The following DOCK6 variants were observed in gnomAD, a reference collection of about 807,000 sequenced individuals.
The protein encoded by DOCK6 is dedicator of cytokinesis 6.
A neutral mutation model predicts 230.3 loss-of-function variants in DOCK6; 167 were observed. The ratio of observed to expected loss-of-function variants is 0.73; its 90% confidence interval spans 0.64 to 0.82. DOCK6 has a LOEUF of 0.82. DOCK6 is among the 40% of genes least tolerant of loss of function. DOCK6 has a pLI of 0.00. For synonymous variants in DOCK6, 1,148 were observed against 1,185.0 expected, an observed-to-expected ratio of 0.97 and a Z score of 0.64; for missense variants, 2,598 against 2,825.8, an observed-to-expected ratio of 0.92 and a Z score of 1.83.
chr19:11,199,629 G>C (rs373430700), intron 47 of DOCK6, 90 bp from the exon 48 acceptor site: 167 of 1,358,294 alleles, frequency 1.2e-4, no homozygotes, highest in Non-Finnish European at 1.6e-4. Flanking sequence ...CCTCCTCCTC[G>C]TCTTCCTCCA....
At position 11,204,193 on chromosome 19, in the gene DOCK6, G is replaced by A; in HGVS notation, c.5220+7C>T. On this transcript the variant is annotated splice_region_variant and intron_variant, in intron 40 of 47. Transcript: ENST00000294618. ...GGTGGGGTCTGGGGAGGGGGTCCTG[G>A]GCCCACCTGGTGCATGATCTTGGTG... The A allele has an allele frequency of 6.4e-7, 1 of 1,551,062 alleles. No homozygotes were observed. The highest frequency in any genetic ancestry group is 8.7e-7 in the Non-Finnish European group (1 of 1,146,214).
In DOCK6 at chr19:11,245,573, A is replaced by G; in HGVS notation, c.1013T>C (p.Leu338Pro). 6.4e-7 allele frequency: 1 copy of G among 1,558,302 alleles called. No individual in the cohort carries two copies. Among genetic ancestry groups the G allele is most frequent in the Non-Finnish European group, 8.7e-7 (1 of 1,150,902 alleles). ...SVTYPSPDIF[L>P]VIKLEKVLQQ... ...AGCCCCAGCAGGCACCTTGATGACC[A>G]GGAAGATGTCAGGTGAGGGGTAGGT... Residue 338 changes from leucine (L) to proline (P), a missense_variant, in exon 9 of 48, where the codon CTG (leucine) becomes CCG (proline). Coordinates refer to ENST00000294618, the MANE Select transcript of DOCK6 (RefSeq NM_020812.4).
chr19:11,238,342 G>A (rs781715955), intron 14 of DOCK6, 38 bp from the exon 15 acceptor site: 24 of 1,548,546 alleles, frequency 1.5e-5, no homozygotes, highest in Non-Finnish European at 3.5e-6. Context: ...AGGGACAGGG[G>A]CCCTGAAGGT....
rs6511729 is a variant in DOCK6 at position 11,235,576 on chromosome 19, A to C, written c.2554+22T>G. 0.22 allele frequency: 344,265 copies of C among 1,559,892 alleles called. 49,921 individuals are homozygous for C. Among genetic ancestry groups the C allele is most frequent in the African/African-American group, 0.74 (54,362 of 73,864 alleles). ...TCTTCTCCCAGATATTTCTCGTCTC[A>C]CAGGGATTTCTACAAACTCACCATC... On this transcript the variant is annotated intron_variant, in intron 21 of 47. Coordinates refer to ENST00000294618, the MANE Select transcript of DOCK6 (RefSeq NM_020812.4).
rs537400350 is a variant in DOCK6 at position 11,201,992 on chromosome 19, G to A, written c.5585C>T (p.Ala1862Val). ...FCTPFTPDGR[A>V]HGELPEQHKR... ...GTGTTGCTCGGGCAGCTCCCCGTGTGCGCGCCCATCCGGCGTGAACGGCGT... is the reference window on the plus strand; with the variant it reads ...GTGTTGCTCGGGCAGCTCCCCGTGTACGCGCCCATCCGGCGTGAACGGCGT... Residue 1862 changes from alanine (A) to valine (V), a missense_variant, in exon 44 of 48, where the codon GCA becomes GTA. By Grantham distance (64) the Ala-to-Val change is moderately conservative. Transcript: ENST00000294618. This position sits in a 1 kb window ranked among gnomAD's most constrained non-coding sequence, Gnocchi z 4.3. The A allele has an allele frequency of 3.1e-6, 5 of 1,614,042 alleles. No individual in the cohort carries two copies. In the Admixed American group the frequency reaches 8.3e-5, roughly 27 times the overall value.
Position 11,200,697 on chromosome 19 carries a change from TG to T in DOCK6, c.5939+18del, listed in dbSNP as rs1321360397. The T allele has an allele frequency of 3.7e-6, 6 of 1,603,420 alleles. No homozygotes were observed. The highest frequency in any genetic ancestry group is 1.7e-5 in the Admixed American group (1 of 58,658). On this transcript the variant is annotated intron_variant, in intron 46 of 47. Coordinates refer to ENST00000294618, the MANE Select transcript of DOCK6 (RefSeq NM_020812.4). This position sits in a 1 kb window ranked among gnomAD's most constrained non-coding sequence, Gnocchi z 4.3. ...GGTTAGGCAGACACGAGACCCCTCC[TG>T]GGGGGTTTTGCGCCTACTTCTTGCA... is the stretch of plus-strand genomic sequence containing the variant.
Position 11,262,494 on chromosome 19 carries a change from G to C in DOCK6, c.-54C>G. ...GGGCCCCGGCCCCGCCGCCGCCGCCGCCTCCCGGTTCTGGGCAGCCGGGGC... is the reference window on the plus strand; with the variant it reads ...GGGCCCCGGCCCCGCCGCCGCCGCCCCCTCCCGGTTCTGGGCAGCCGGGGC... On this transcript the variant is annotated 5_prime_UTR_variant, in exon 1 of 48. Transcript: ENST00000294618. 2.9e-6 allele frequency: 3 copies of C among 1,043,134 alleles called. No homozygotes were observed. Among genetic ancestry groups the C allele is most frequent in the Non-Finnish European group, 3.5e-6 (3 of 868,072 alleles). The allele number at this position is 1,043,134 out of a possible 1,614,324, so 64.6% of individuals were successfully genotyped here.
intron 1 of DOCK6, among the ~76,000 whole-genome samples, chr19:11,260,892 A>AAAAAAAAAAAAAAAG (rs1423289379): frequency 2.4e-4 from 36 of 148,586 alleles, no homozygotes; most frequent in African/African-American, 9.1e-4. Flanking sequence ...CAAAAAAAAA[A>AAAAAAAAAAAAAAAG]AAAGAAAGAA....
At chr19:11,209,485 C>T (rs1261546140) in intron 37 of DOCK6, among the ~76,000 whole-genome samples, 1 of 149,124 alleles carries the variant, frequency 6.7e-6, no homozygotes, top group Non-Finnish European at 1.5e-5. Context: ...CTCACCTGTC[C>T]GTCCCTTCAC....
rs753109339 is a variant in DOCK6 at position 11,236,388 on chromosome 19, C to T, written c.2350G>A (p.Val784Met). Reference protein sequence around the residue: ...AFSHHVLDKLVRLVIRPPIIS... With the variant: ...AFSHHVLDKLMRLVIRPPIIS... The stretch of plus-strand genomic sequence containing the variant: ...ATCGGGGGCCTGATGACCAGACGCA[C>T]GAGCTTGTCCAGCACGTGGTGGGAG... Residue 784 changes from valine (V) to methionine (M), a missense_variant, in exon 20 of 48, where the codon GTG becomes ATG. Val to Met is a conservative substitution (Grantham distance 21, BLOSUM62 1). Transcript: ENST00000294618. The surrounding 1 kb of genome is among the most constrained non-coding windows in gnomAD (Gnocchi z 5.2). The T allele has an allele frequency of 1.1e-5, 17 of 1,580,204 alleles. No homozygotes were observed. The highest frequency in any genetic ancestry group is 7.2e-5 in the Admixed American group (4 of 55,262).
At chr19:11,227,197 A>G in intron 24 of DOCK6, 140 bp downstream of exon 24, 2 of 1,187,738 alleles carry the variant, frequency 1.7e-6, no homozygotes, top group Non-Finnish European at 2.3e-6. Context: ...AGAAACAGAC[A>G]ATGAATGAAC....
Position 11,200,493 on chromosome 19 carries a change from G to A in DOCK6, c.5940-24C>T. 6.3e-6 allele frequency: 10 copies of A among 1,599,172 alleles called. No homozygotes were observed. Among genetic ancestry groups the A allele is most frequent in the South Asian group, 1.1e-5 (1 of 88,494 alleles). ...ATCTGAGGGCCAGAGGGTGGGAGATGCTCAGAGACTCGCACACGGGACTGA... is the reference window on the plus strand; with the variant it reads ...ATCTGAGGGCCAGAGGGTGGGAGATACTCAGAGACTCGCACACGGGACTGA... On this transcript the variant is annotated intron_variant, in intron 46 of 47. Coordinates refer to ENST00000294618, the MANE Select transcript of DOCK6 (RefSeq NM_020812.4). This position sits in a 1 kb window ranked among gnomAD's most constrained non-coding sequence, Gnocchi z 4.3.
chr19:11,222,280 GC>G lies in DOCK6; in HGVS notation c.3241-33del. On this transcript the variant is annotated intron_variant, in intron 26 of 47. Transcript: ENST00000294618. The surrounding 1 kb of genome is among the most constrained non-coding windows in gnomAD (Gnocchi z 4.0). ...AGTGGGGGAAAAATGGGGGATGCCA[GC>G]GGTCAAGGGTCAGAGGTGGCAGGTC... 6.3e-7 allele frequency: 1 copy of G among 1,576,508 alleles called. No individual in the cohort carries two copies. Among genetic ancestry groups the G allele is most frequent in the Non-Finnish European group, 8.6e-7 (1 of 1,161,082 alleles).
At chr19:11,237,402 C>T (rs990721929) in intron 18 of DOCK6, 54 bp downstream of exon 18, 10 of 1,601,248 alleles carry the variant, frequency 6.2e-6, no homozygotes, top group Admixed American at 5.0e-5. Context: ...GCAGGTGACT[C>T]GGGAGTGCTT....
intron 22 of DOCK6, among the ~76,000 whole-genome samples, chr19:11,229,661 G>A (rs1319902111): frequency 6.6e-6 from 1 of 151,978 alleles, no homozygotes; most frequent in Non-Finnish European, 1.5e-5. Context: ...AGTGGAGGCA[G>A]GGACAAATAA....
At chr19:11,213,357 T>TCCAG in intron 34 of DOCK6, 29 bp from the exon 35 acceptor site, 1 of 1,598,760 alleles carries the variant, frequency 6.3e-7, no homozygotes, top group African/African-American at 1.3e-5. Context: ...ACAGACACTG[T>TCCAG]CCAGCCCCTC....
At chr19:11,228,499 G>T (rs1364123490) in intron 23 of DOCK6, among the ~76,000 whole-genome samples, 1 of 150,878 alleles carries the variant, frequency 6.6e-6, no homozygotes, top group East Asian at 2.0e-4. Flanking sequence ...CTAGGTTGTG[G>T]GGGGGGGTCT....
chr19:11,232,114 C>A, intron 22 of DOCK6: 1 of 1,170,730 alleles, frequency 8.5e-7, no homozygotes, highest in Non-Finnish European at 1.1e-6. Flanking sequence ...TAGTCAGATG[C>A]AGCCAGGAAG....
At chr19:11,219,231 TGGAGTG>T (rs2079544011) in intron 28 of DOCK6, among the ~76,000 whole-genome samples, 1 of 128,864 alleles carries the variant, frequency 7.8e-6, no homozygotes, top group Non-Finnish European at 1.6e-5. Flanking sequence ...TTGCCTAGGC[TGGAGTG>T]CAGTGACGCG....
Sources: gnomAD v4.1 joint callset for allele counts (sites outside exome capture counted in the v4.1 genomes callset) on GRCh38, gnomAD v4.1.1 for gene constraint, Gnocchi (gnomAD v3.1) non-coding constraint, MANE v1.5 for transcripts, NCBI Gene and HGNC (gene_info 2026-07-23, HGNC 2026-07-21) for gene names.